GHR: variants seen among roughly 807,000 people sequenced by gnomAD.
GHR encodes the protein growth hormone receptor, also known as GH receptor.
A neutral mutation model predicts 67.1 loss-of-function variants in GHR; 35 were observed. The ratio of observed to expected loss-of-function variants is 0.52; its 90% CI spans 0.40 to 0.69. The LOEUF (loss-of-function observed/expected upper bound fraction) is 0.69, where lower values mean the gene tolerates loss of function less well. Among genes scored for constraint, GHR ranks in the 30% least tolerant of loss-of-function variants. The pLI is 0.00. For synonymous variants in GHR, 272 were observed against 269.1 expected, an observed-to-expected ratio of 1.01 and a Z score of -0.10; for missense variants, 792 against 764.6, an observed-to-expected ratio of 1.04 and a Z score of -0.42.
intron 1 of GHR, among the ~76,000 whole-genome samples, chr5:42,433,217 A>T (rs1743171215): frequency 6.6e-6 from 1 of 151,712 alleles, no homozygotes; most frequent in South Asian, 2.1e-4. Context: ...ATGGAGCATG[A>T]CATTTTAATT....
At chr5:42,474,151 A>T (rs1221578371) in intron 1 of GHR, among the ~76,000 whole-genome samples, 1 of 151,302 alleles carries the variant, frequency 6.6e-6, no homozygotes, top group Non-Finnish European at 1.5e-5. Context: ...ATTGTGCCAC[A>T]GCACTCCAAC....
chr5:42,474,333 G>GAAAGAAATAAAGAAAAGAAAT (rs144590349), intron 1 of GHR, among the ~76,000 whole-genome samples: 1 of 149,106 alleles, frequency 6.7e-6, no homozygotes, highest in Admixed American at 6.8e-5. Context: ...AAGAAAGAAA[G>GAAAGAAATAAAGAAAAGAAAT]AAAGAAAAGA....
intron 2 of GHR, among the ~76,000 whole-genome samples, chr5:42,577,420 A>T (rs1026534215): frequency 6.6e-5 from 10 of 151,794 alleles, no homozygotes; most frequent in Non-Finnish European, 8.8e-5. Flanking sequence ...TACTTAGGAA[A>T]TTTTTTTTTA....
intron 2 of GHR, among the ~76,000 whole-genome samples, chr5:42,613,779 G>A (rs1397823628): frequency 6.6e-6 from 1 of 152,052 alleles, no homozygotes; most frequent in East Asian, 1.9e-4. Context: ...TGGGGAATAG[G>A]GAACAACTGG....
intron 7 of GHR, 70 bp downstream of exon 7, chr5:42,711,442 G>T: frequency 9.6e-7 from 1 of 1,041,758 alleles, no homozygotes; most frequent in Non-Finnish European, 1.5e-6. Context: ...ATTCACCCCT[G>T]CACTGGTAGT....
At position 42,719,370 on chromosome 5, in the gene GHR, T is replaced by G; in HGVS notation, c.1863T>G (p.Phe621Leu). The G allele has an allele frequency of 1.2e-6, 2 of 1,614,028 alleles. No homozygotes were observed. Among genetic ancestry groups the G allele is most frequent in the Non-Finnish European group, 1.7e-6 (2 of 1,179,908 alleles). ...CCTTGCCCTTGCCTGACAAAGAGTT[T>G]CTCTCATCATGTGGCTATGTGAGCA... ...ATALPLPDKE[F>L]LSSCGYVSTD... is the part of the protein sequence containing the mutation. Residue 621 changes from phenylalanine (F) to leucine (L), a missense_variant, in exon 10 of 10, where the codon TTT (phenylalanine) becomes TTG (leucine). Coordinates refer to ENST00000230882, the MANE Select transcript of GHR (RefSeq NM_000163.5).
intron 1 of GHR, among the ~76,000 whole-genome samples, chr5:42,492,171 T>C (rs1295635433): frequency 6.6e-6 from 1 of 152,184 alleles, no homozygotes; most frequent in Non-Finnish European, 1.5e-5. Context: ...ATGAAGCCTA[T>C]AGTTTTGCTT....
At position 42,577,070 on chromosome 5, in the gene GHR, A is replaced by G. The variant is rs545185242; in HGVS notation, c.70+11126A>G. Among the ~76,000 whole-genome samples the G allele has an allele frequency of 7.7e-4, 117 of 152,356 alleles. 1 individual carries two copies. Among genetic ancestry groups the G allele is most frequent in the African/African-American group, 2.6e-3 (109 of 41,582 alleles). ...ACTTTAGGCCAATTACAATTATCTG[A>G]AAGTAGAATGAATTTCTAGGTTAGG... On this transcript the variant is annotated intron_variant, in intron 2 of 9. Transcript: ENST00000230882.
At chr5:42,671,999 T>C (rs938602564) in intron 3 of GHR, among the ~76,000 whole-genome samples, 8 of 149,304 alleles carry the variant, frequency 5.4e-5, no homozygotes, top group African/African-American at 2.0e-4. Context: ...GGAATATTTC[T>C]CAAAATAGTA....
intron 3 of GHR, among the ~76,000 whole-genome samples, chr5:42,637,342 C>G (rs1244078817): frequency 6.6e-6 from 1 of 151,890 alleles, no homozygotes; most frequent in Non-Finnish European, 1.5e-5. Flanking sequence ...GGTACACGTG[C>G]AGGTTTGTTA....
At chr5:42,561,353 A>C (rs79062559) in intron 1 of GHR, among the ~76,000 whole-genome samples, 2 of 152,300 alleles carry the variant, frequency 1.3e-5, no homozygotes, top group South Asian at 4.1e-4. Flanking sequence ...ATTAATCTCC[A>C]TAGTGCCTTG....
chr5:42,632,854 A>G (rs1753997670), intron 3 of GHR, among the ~76,000 whole-genome samples: 1 of 152,344 alleles, frequency 6.6e-6, no homozygotes, highest in South Asian at 2.1e-4. Context: ...AAGTAATGCT[A>G]TAATTTTACT....
At chr5:42,686,567 G>A (rs553031301) in intron 3 of GHR, among the ~76,000 whole-genome samples, 13 of 152,252 alleles carry the variant, frequency 8.5e-5, no homozygotes, top group African/African-American at 3.1e-4. Context: ...AACAGAACCA[G>A]TGACAAAACC....
At chr5:42,606,188 T>C (rs1456327587) in intron 2 of GHR, among the ~76,000 whole-genome samples, 1 of 152,094 alleles carries the variant, frequency 6.6e-6, no homozygotes, top group Admixed American at 6.5e-5. Flanking sequence ...GATTTTATCA[T>C]TGGATTGAGC....
At chr5:42,489,364 C>T (rs1157269089) in intron 1 of GHR, among the ~76,000 whole-genome samples, 3 of 152,116 alleles carry the variant, frequency 2.0e-5, no homozygotes, top group African/African-American at 4.8e-5. Context: ...TAGGTGTAAA[C>T]AGAAGTAGAA....
intron 1 of GHR, among the ~76,000 whole-genome samples, chr5:42,498,813 C>T (rs755417886): frequency 6.6e-6 from 1 of 152,158 alleles, no homozygotes; most frequent in Non-Finnish European, 1.5e-5. Flanking sequence ...CACCTTGCCA[C>T]CTCCATAAAA....
chr5:42,670,872 A>ATATATATATATAT (rs1454194507), intron 3 of GHR, among the ~76,000 whole-genome samples: 1 of 91,298 alleles, frequency 1.1e-5, no homozygotes, highest in African/African-American at 4.0e-5. Flanking sequence ...AATTAAAAAA[A>ATATATATATATAT]AAAAAAAAAT....
At chr5:42,438,051 T>G (rs1272094063) in intron 1 of GHR, among the ~76,000 whole-genome samples, 1 of 152,218 alleles carries the variant, frequency 6.6e-6, no homozygotes, top group Admixed American at 6.5e-5. Context: ...TATAAACTCT[T>G]AGAAGGCAAA....
At chr5:42,688,642 A>G (rs1001365532) in intron 3 of GHR, among the ~76,000 whole-genome samples, 10 of 152,194 alleles carry the variant, frequency 6.6e-5, no homozygotes, top group Non-Finnish European at 1.3e-4. Context: ...AACAGGTCCT[A>G]TGAAATGCTT....
Sources: allele counts gnomAD v4.1 joint callset (sites outside exome capture counted in the v4.1 genomes callset), GRCh38; gene constraint gnomAD v4.1.1; transcripts MANE v1.5; gene names NCBI Gene and HGNC (gene_info 2026-07-23, HGNC 2026-07-21).